Variants in NELL1 observed in about 807,000 individuals in gnomAD.
NELL1 encodes the protein protein kinase C-binding protein NELL1.
NELL1 carries 76 observed loss-of-function variants against 107.4 expected under a neutral mutation model. The observed-to-expected ratio is 0.71, with a 90% CI of 0.59 to 0.86. The LOEUF is 0.86. NELL1 is among the 40% of genes least tolerant of loss of function. The pLI is 0.00. For missense variants in NELL1, 1,024 were observed against 1,005.5 expected (o/e 1.02, Z -0.25); for synonymous variants, 353 against 341.2 (o/e 1.03, Z -0.38).
rs564950822 is a variant in NELL1 at position 21,012,048 on chromosome 11, G to T, written c.1300+51488G>T. On this transcript the variant is annotated intron_variant, in intron 12 of 19. Transcript: ENST00000357134. ...GGCACCATGCTGAGAGCACTTTTTGGGTTAAGACCTGTGTTTTCTCTGGCT... is the reference window on the plus strand; with the variant it reads ...GGCACCATGCTGAGAGCACTTTTTGTGTTAAGACCTGTGTTTTCTCTGGCT... Among the ~76,000 whole-genome samples the T allele has an allele frequency of 2.0e-5, 3 of 152,074 alleles. No individual in the cohort carries two copies. In the East Asian group the frequency reaches 5.8e-4, roughly 30 times the overall value.
chr11:20,960,509 G>T lies in NELL1; in HGVS notation c.1249G>T (p.Glu417Ter). ...AAACTGGAATACAAAAGCTACTTGT[G>T]AGTGCAAGAGTGGTTACATCTCTGT... ...CKNWNTKATC[E>*]CKSGYISVQG... Residue 417 changes from glutamate (E) to a stop codon, truncating the protein, a stop_gained, in exon 12 of 20, where the codon GAG (glutamate) becomes TAG (stop). Transcript: ENST00000357134. LOFTEE classifies it high-confidence loss of function. 1 of 1,613,904 alleles carries T rather than the reference G, an allele frequency of 6.2e-7. No homozygotes were observed. Among genetic ancestry groups the T allele is most frequent in the South Asian group, 1.1e-5 (1 of 91,056 alleles).
At chr11:21,338,134 T>C (rs1850479062) in intron 14 of NELL1, among the ~76,000 whole-genome samples, 2 of 152,046 alleles carry the variant, frequency 1.3e-5, no homozygotes, top group African/African-American at 4.8e-5. Flanking sequence ...AGAGATGTGA[T>C]GTACAGATAT....
chr11:21,472,837 T>C (rs1290287924), intron 15 of NELL1, among the ~76,000 whole-genome samples: 1 of 151,440 alleles, frequency 6.6e-6, no homozygotes, highest in Admixed American at 6.6e-5. Flanking sequence ...CCCTTCCCTT[T>C]CCTTCCCTTC....
chr11:20,674,615 C>T (rs1854005183), intron 1 of NELL1: 2 of 1,156,820 alleles, frequency 1.7e-6, no homozygotes, highest in South Asian at 2.6e-5. Context: ...GAAACTGAGG[C>T]TTGATAAATG....
intron 3 of NELL1, among the ~76,000 whole-genome samples, chr11:20,809,226 A>G (rs528428486): frequency 1.3e-5 from 2 of 152,128 alleles, no homozygotes; most frequent in Non-Finnish European, 2.9e-5. Context: ...TATTTTTAAA[A>G]TCCTTTTTAA....
At chr11:21,051,643 T>C (rs1392364738) in intron 12 of NELL1, among the ~76,000 whole-genome samples, 5 of 152,166 alleles carry the variant, frequency 3.3e-5, no homozygotes, top group Admixed American at 3.3e-4. Flanking sequence ...CTATGGGACA[T>C]GACACTTTTC....
intron 14 of NELL1, among the ~76,000 whole-genome samples, chr11:21,337,453 C>T (rs1050177047): frequency 6.6e-6 from 1 of 152,154 alleles, no homozygotes; most frequent in African/African-American, 2.4e-5. Flanking sequence ...CATTTTATAG[C>T]TATGCCAAAT....
In NELL1 at chr11:21,151,674, G is replaced by A. The variant is rs142434316; in HGVS notation, c.1426+37960G>A. On this transcript the variant is annotated intron_variant, in intron 13 of 19. Coordinates refer to ENST00000357134, the MANE Select transcript of NELL1 (RefSeq NM_006157.5). The stretch of plus-strand genomic sequence containing the variant: ...AATGCATATAAAATATCTTAGCACA[G>A]TTCCTAGCATAGAGTAAGCTCTCAA... 5.9e-5 allele frequency among the ~76,000 whole-genome samples: 9 copies of A among 152,304 alleles called. No individual in the cohort carries two copies. The East Asian group carries it at 1.7e-3, about 29-fold the overall frequency.
chr11:21,394,264 A>G (rs903833560), intron 15 of NELL1, among the ~76,000 whole-genome samples: 3 of 151,624 alleles, frequency 2.0e-5, no homozygotes, highest in African/African-American at 7.2e-5. Context: ...AGCACAGGAC[A>G]GTAGGATTCA....
In NELL1 at chr11:20,885,452, A is replaced by G; in HGVS notation, c.515A>G (p.Glu172Gly). 6.2e-7 allele frequency: 1 copy of G among 1,608,206 alleles called. No homozygotes were observed. The highest frequency in any genetic ancestry group is 8.5e-7 in the Non-Finnish European group (1 of 1,174,638). The change falls in exon 5 of 20, where the codon GAG (glutamate) becomes GGG (glycine). Residue 172 changes from glutamate to glycine, a missense_variant. Coordinates refer to ENST00000357134, the MANE Select transcript of NELL1 (RefSeq NM_006157.5). ...GTTCTTTGCCTTTACAGGATTTATGAGCGTGTGATAGACCCTCCAGATACC... is the reference window on the plus strand; with the variant it reads ...GTTCTTTGCCTTTACAGGATTTATGGGCGTGTGATAGACCCTCCAGATACC... ...LLHVDCNRIY[E>G]RVIDPPDTNL...
At chr11:21,345,925 G>A (rs143422375) in intron 14 of NELL1, among the ~76,000 whole-genome samples, 20 of 152,256 alleles carry the variant, frequency 1.3e-4, no homozygotes, top group Non-Finnish European at 2.1e-4. Flanking sequence ...CAAACCTCAT[G>A]TCCTATAACT....
intron 15 of NELL1, among the ~76,000 whole-genome samples, chr11:21,528,533 T>TC (rs1453305812): frequency 3.0e-5 from 4 of 134,180 alleles, no homozygotes; most frequent in Non-Finnish European, 6.2e-5. Flanking sequence ...TTTTTTTTTT[T>TC]CCACAATGAC....
chr11:21,243,830 G>T (rs1033434289), intron 14 of NELL1, among the ~76,000 whole-genome samples: 2 of 151,184 alleles, frequency 1.3e-5, no homozygotes, highest in African/African-American at 4.9e-5. Flanking sequence ...TTCAGTGTAG[G>T]TTTAAATTAA....
chr11:21,412,799 G>T (rs2133812212), intron 15 of NELL1, among the ~76,000 whole-genome samples: 1 of 152,186 alleles, frequency 6.6e-6, no homozygotes, highest in East Asian at 1.9e-4. Flanking sequence ...GGGGAAGGGA[G>T]GGTGACATGG....
At chr11:21,297,564 T>C (rs1416514865) in intron 14 of NELL1, among the ~76,000 whole-genome samples, 3 of 152,064 alleles carry the variant, frequency 2.0e-5, no homozygotes, top group African/African-American at 7.2e-5. Flanking sequence ...AAGATCTGTG[T>C]ATACTCAGTA....
intron 14 of NELL1, among the ~76,000 whole-genome samples, chr11:21,266,363 A>G (rs1848635011): frequency 6.6e-6 from 1 of 152,008 alleles, no homozygotes; most frequent in Non-Finnish European, 1.5e-5. Context: ...CCACTTGAAT[A>G]TAAGCTCCAA....
intron 15 of NELL1, among the ~76,000 whole-genome samples, chr11:21,491,201 G>A (rs1042716141): frequency 6.6e-6 from 1 of 151,940 alleles, no homozygotes; most frequent in Non-Finnish European, 1.5e-5. Context: ...CTTTAGTTTA[G>A]TTAGATCCCA....
chr11:21,397,754 T>G (rs1852013039), intron 15 of NELL1, among the ~76,000 whole-genome samples: 1 of 151,662 alleles, frequency 6.6e-6, no homozygotes, highest in Admixed American at 6.6e-5. Context: ...TACTAGAAGA[T>G]AAGGCCTCTG....
chr11:21,263,301 T>C (rs1057087424), intron 14 of NELL1, among the ~76,000 whole-genome samples: 1 of 151,954 alleles, frequency 6.6e-6, no homozygotes, highest in South Asian at 2.1e-4. Context: ...AAAACACTAA[T>C]CGAAAGCTCT....
Sources: gnomAD v4.1 joint callset for allele counts (sites outside exome capture counted in the v4.1 genomes callset) on GRCh38, gnomAD v4.1.1 for gene constraint, MANE v1.5 for transcripts, NCBI Gene and HGNC (gene_info 2026-07-23, HGNC 2026-07-21) for gene names.